RPTOR: variants seen among roughly 807,000 people sequenced by gnomAD.
RPTOR encodes regulatory associated protein of MTOR complex 1, also known as regulatory-associated protein of mTOR.
In RPTOR, 21 loss-of-function variants were observed where a neutral mutation model predicts 169.9. The ratio of observed to expected loss-of-function variants is 0.12; its 90% CI spans 0.09 to 0.18. The LOEUF (loss-of-function observed/expected upper bound fraction) is 0.18. Among genes scored for constraint, RPTOR ranks in the 10% least tolerant of loss-of-function variants. RPTOR has a pLI of 1.00. For missense variants in RPTOR, 1,133 were observed against 1,855.9 expected, an observed-to-expected ratio of 0.61 and a Z score of 7.16; for synonymous variants, 732 against 753.2, an observed-to-expected ratio of 0.97 and a Z score of 0.46.
intron 2 of RPTOR, among the ~76,000 whole-genome samples, chr17:80,630,576 C>T (rs2065434505): frequency 6.6e-6 from 1 of 152,198 alleles, no homozygotes; most frequent in South Asian, 2.1e-4. Flanking sequence ...GGATGAGGCC[C>T]CCATATTACC....
chr17:80,920,371 G>C (rs943394292), intron 21 of RPTOR, among the ~76,000 whole-genome samples: 2 of 152,196 alleles, frequency 1.3e-5, no homozygotes, highest in South Asian at 2.1e-4. Flanking sequence ...GGGTGGGGGG[G>C]GCTCCTGATC....
intron 3 of RPTOR, among the ~76,000 whole-genome samples, chr17:80,674,609 G>A (rs1338401768): frequency 5.9e-5 from 9 of 152,036 alleles, no homozygotes; most frequent in African/African-American, 2.2e-4. Flanking sequence ...GAATGCATTT[G>A]CTTTGGAGTT....
At position 80,891,709 on chromosome 17, in the gene RPTOR, C is replaced by A. The variant is rs758548049; in HGVS notation, c.1984-11C>A. On this transcript the variant is annotated splice_polypyrimidine_tract_variant and intron_variant, in intron 17 of 33. Coordinates refer to ENST00000306801, the MANE Select transcript of RPTOR (RefSeq NM_020761.3). ...CCAGTGACTGTTATTGTCCCTTCTC[C>A]CTCTCGGCAGGAGCTGGTGGTGGCT... 6.3e-7 allele frequency: 1 copy of A among 1,579,706 alleles called. No homozygotes were observed. The highest frequency in any genetic ancestry group is 1.7e-5 in the Admixed American group (1 of 59,536).
At chr17:80,551,529 A>G (rs945014358) in intron 1 of RPTOR, among the ~76,000 whole-genome samples, 10 of 152,230 alleles carry the variant, frequency 6.6e-5, no homozygotes, top group African/African-American at 2.4e-4. Context: ...TTAGATATGC[A>G]TACACATAAA....
intron 1 of RPTOR, among the ~76,000 whole-genome samples, chr17:80,613,021 C>T (rs528481908): frequency 1.3e-5 from 2 of 152,328 alleles, no homozygotes; most frequent in South Asian, 4.2e-4. Flanking sequence ...CAGCGTCTGT[C>T]CACAGAGCCA....
intron 6 of RPTOR, among the ~76,000 whole-genome samples, chr17:80,764,677 A>G (rs1035133624): frequency 1.3e-5 from 2 of 152,152 alleles, no homozygotes; most frequent in Admixed American, 1.3e-4. Context: ...GTATATACCC[A>G]GTAATGGGAT....
chr17:80,820,449 G>A lies in RPTOR; in HGVS notation c.891-1752G>A, dbSNP rs1451234805. ...GTCCCGGGCAGCCACCCCTGTTCGC[G>A]CTGGCGCTTGAGGGCTGAGATGAGC... On this transcript the variant is annotated intron_variant, in intron 7 of 33. Coordinates refer to ENST00000306801, the MANE Select transcript of RPTOR (RefSeq NM_020761.3). The surrounding 1 kb of genome is among the most constrained non-coding windows in gnomAD (Gnocchi z 4.1). 2.6e-5 allele frequency among the ~76,000 whole-genome samples: 4 copies of A among 152,184 alleles called. No individual in the cohort carries two copies. The highest frequency in any genetic ancestry group is 6.5e-5 in the Admixed American group (1 of 15,284).
intron 11 of RPTOR, among the ~76,000 whole-genome samples, chr17:80,849,248 A>G (rs891803983): frequency 5.3e-5 from 8 of 152,230 alleles, no homozygotes; most frequent in Non-Finnish European, 1.0e-4. Context: ...CTTAAGGGAA[A>G]GGGAGTTTTC....
At chr17:80,899,958 T>C (rs1172556010) in intron 20 of RPTOR, among the ~76,000 whole-genome samples, 1 of 152,070 alleles carries the variant, frequency 6.6e-6, no homozygotes, top group African/African-American at 2.4e-5. Flanking sequence ...CTCCCACGGA[T>C]TGGACAGATA....
At chr17:80,854,648 C>G (rs547006913) in intron 11 of RPTOR, among the ~76,000 whole-genome samples, 1 of 152,390 alleles carries the variant, frequency 6.6e-6, no homozygotes, top group South Asian at 2.1e-4. Flanking sequence ...AATCCCTACA[C>G]TTCGGGAGGC....
intron 20 of RPTOR, among the ~76,000 whole-genome samples, chr17:80,907,729 C>T (rs905996192): frequency 3.3e-5 from 5 of 152,340 alleles, no homozygotes; most frequent in South Asian, 2.1e-4. Flanking sequence ...CCCAAGGCTC[C>T]GCGTCCCCAT....
intron 10 of RPTOR, among the ~76,000 whole-genome samples, chr17:80,843,436 T>C (rs2067692404): frequency 6.6e-6 from 1 of 151,996 alleles, no homozygotes; most frequent in Admixed American, 6.6e-5. Context: ...AAAATTTTTT[T>C]TTTTGGTTTA....
At chr17:80,729,058 A>G (rs1299913913) in intron 4 of RPTOR, among the ~76,000 whole-genome samples, 8 of 152,194 alleles carry the variant, frequency 5.3e-5, no homozygotes, top group Non-Finnish European at 1.2e-4. Context: ...ATACTGTATC[A>G]TCATGTCTGA....
chr17:80,604,807 C>A (rs2065216677), intron 1 of RPTOR, among the ~76,000 whole-genome samples: 1 of 152,140 alleles, frequency 6.6e-6, no homozygotes, highest in African/African-American at 2.4e-5. Context: ...GAGAACAGCA[C>A]AGGAAAGATC....
intron 7 of RPTOR, among the ~76,000 whole-genome samples, chr17:80,793,997 C>A (rs2067076115): frequency 6.6e-6 from 1 of 152,104 alleles, no homozygotes; most frequent in South Asian, 2.1e-4. Context: ...GGTGTCAGAA[C>A]AACCAGCTGC....
At chr17:80,815,630 G>A (rs1405843881) in intron 7 of RPTOR, among the ~76,000 whole-genome samples, 1 of 152,262 alleles carries the variant, frequency 6.6e-6, no homozygotes, top group East Asian at 1.9e-4. Context: ...ATTGATTTAT[G>A]TCAAGGAAAA....
chr17:80,707,760 C>A lies in RPTOR; in HGVS notation c.349-81C>A. 1 of 1,402,516 alleles carries A rather than the reference C, an allele frequency of 7.1e-7. No individual in the cohort carries two copies. The highest frequency in any genetic ancestry group is 9.8e-7 in the Non-Finnish European group (1 of 1,021,162). 86.9% of individuals were successfully genotyped at this position (1,402,516 alleles called of 1,614,324 possible). On this transcript the variant is annotated intron_variant, in intron 3 of 33. Transcript: ENST00000306801. The surrounding 1 kb of genome is among the most constrained non-coding windows in gnomAD (Gnocchi z 5.0). The stretch of plus-strand genomic sequence containing the variant: ...GGACCACACAGCTATTAACTGCAAA[C>A]CCAGAGGAAAGGGTAGGGGATGAGT...
At chr17:80,645,558 A>G (rs74000853) in intron 3 of RPTOR, among the ~76,000 whole-genome samples, 2,284 of 152,254 alleles carry the variant, frequency 0.015, 55 homozygotes, top group African/African-American at 0.05. Context: ...CTGATTTACA[A>G]TTGTTTTTTT....
intron 6 of RPTOR, among the ~76,000 whole-genome samples, chr17:80,765,279 T>C (rs10871488): frequency 0.84 from 128,051 of 152,106 alleles, 54,588 homozygotes; most frequent in East Asian, 1. Context: ...TCAGTTCTTC[T>C]TTTCAGAGAG....
Sources: gnomAD v4.1 joint callset for allele counts (sites outside exome capture counted in the v4.1 genomes callset) on GRCh38, gnomAD v4.1.1 for gene constraint, Gnocchi (gnomAD v3.1) non-coding constraint, MANE v1.5 for transcripts, NCBI Gene and HGNC (gene_info 2026-07-23, HGNC 2026-07-21) for gene names.